HECW1: variants seen among roughly 807,000 people sequenced by gnomAD.
The protein encoded by HECW1 is HECT, C2 and WW domain containing E3 ubiquitin protein ligase 1, also known as E3 ubiquitin-protein ligase HECW1.
In HECW1, 61 loss-of-function variants were observed where a neutral mutation model predicts 182.3. The ratio of observed to expected loss-of-function variants is 0.33; its 90% CI spans 0.27 to 0.41. The LOEUF (loss-of-function observed/expected upper bound fraction) is 0.41. HECW1 is among the 10% of genes least tolerant of loss of function. The pLI, the probability that HECW1 is intolerant of heterozygous loss-of-function variation, is 1.00. For synonymous variants in HECW1, 859 were observed against 832.6 expected, an observed-to-expected ratio of 1.03 and a Z score of -0.55; for missense variants, 1,739 against 2,108.9, an observed-to-expected ratio of 0.82 and a Z score of 3.44.
intron 8 of HECW1, among the ~76,000 whole-genome samples, chr7:43,431,221 C>G (rs909770747): frequency 4.6e-5 from 7 of 152,136 alleles, no homozygotes; most frequent in Non-Finnish European, 8.8e-5. Flanking sequence ...GCACTTATAC[C>G]GTAGAACTTG....
intron 3 of HECW1, among the ~76,000 whole-genome samples, chr7:43,305,467 C>G (rs1001188385): frequency 2.6e-5 from 4 of 152,126 alleles, no homozygotes; most frequent in African/African-American, 9.7e-5. Context: ...CTCTTATAAT[C>G]GCCCATAAAC....
chr7:43,359,170 C>G lies in HECW1; in HGVS notation c.461-1716C>G. 2.0e-5 allele frequency among the ~76,000 whole-genome samples: 3 copies of G among 152,254 alleles called. 1 individual carries two copies. The South Asian group carries it at 6.2e-4, about 32-fold the overall frequency. On this transcript the variant is annotated intron_variant, in intron 5 of 29. Coordinates refer to ENST00000395891, the MANE Select transcript of HECW1 (RefSeq NM_015052.5). ...AAGACTACTGTAATATTCGTATCTA[C>G]AGCATTGAGGAAACCTTTACATATC...
chr7:43,269,240 TTC>T (rs1196591349), intron 3 of HECW1, among the ~76,000 whole-genome samples: 2 of 152,358 alleles, frequency 1.3e-5, no homozygotes, highest in East Asian at 1.9e-4. Context: ...GCTGGAAATA[TTC>T]TCTGTTTTAG....
intron 2 of HECW1, among the ~76,000 whole-genome samples, chr7:43,237,574 T>C (rs1024514786): frequency 1.3e-5 from 2 of 152,192 alleles, no homozygotes; most frequent in Non-Finnish European, 2.9e-5. Flanking sequence ...TAGACAGTTA[T>C]AGGAACTGCC....
chr7:43,482,692 G>A (rs1024440617), intron 17 of HECW1, among the ~76,000 whole-genome samples: 2 of 152,164 alleles, frequency 1.3e-5, no homozygotes, highest in African/African-American at 4.8e-5. Context: ...CATCACTTGA[G>A]CCTAGGAGTT....
At chr7:43,488,488 GAGAA>G (rs879483446) in intron 17 of HECW1, among the ~76,000 whole-genome samples, 34 of 112,708 alleles carry the variant, frequency 3.0e-4, no homozygotes, top group African/African-American at 1.0e-3. Flanking sequence ...AAGAAAGAAA[GAGAA>G]AGAAAGAAAG....
chr7:43,520,014 T>C (rs1414401760), intron 24 of HECW1, among the ~76,000 whole-genome samples: 3 of 152,168 alleles, frequency 2.0e-5, no homozygotes, highest in Admixed American at 1.3e-4. Context: ...AAAAATTACA[T>C]CTGTGGGTAA....
chr7:43,235,294 G>T (rs1798229069), intron 2 of HECW1, among the ~76,000 whole-genome samples: 1 of 152,174 alleles, frequency 6.6e-6, no homozygotes, highest in African/African-American at 2.4e-5. Flanking sequence ...AGGAGGTTTG[G>T]CCCTCCTTGA....
chr7:43,560,186 T>G (rs1314995510), intron 29 of HECW1, among the ~76,000 whole-genome samples: 1 of 152,230 alleles, frequency 6.6e-6, no homozygotes, highest in East Asian at 1.9e-4. Context: ...TGTTCTAGTT[T>G]CATTGCAATC....
Position 43,515,183 on chromosome 7 carries a change from G to A in HECW1, c.4019+6062G>A, listed in dbSNP as rs112184161. 8.5e-5 allele frequency among the ~76,000 whole-genome samples: 13 copies of A among 152,258 alleles called. 1 individual carries two copies. The highest frequency in any genetic ancestry group is 3.1e-4 in the African/African-American group (13 of 41,552). ...TTCACAGCAGATGTCAGTTTGGTGTGGCCTCAGAAGAGAGAAAGAGGCTGG... is the reference window on the plus strand; with the variant it reads ...TTCACAGCAGATGTCAGTTTGGTGTAGCCTCAGAAGAGAGAAAGAGGCTGG... On this transcript the variant is annotated intron_variant, in intron 24 of 29. Transcript: ENST00000395891.
chr7:43,539,938 G>C (rs1048629922), intron 24 of HECW1, among the ~76,000 whole-genome samples: 4 of 152,192 alleles, frequency 2.6e-5, no homozygotes, highest in African/African-American at 9.6e-5. Context: ...CACTGGTGGG[G>C]TACCCAGGCC....
At chr7:43,347,012 C>T (rs1813772500) in intron 5 of HECW1, among the ~76,000 whole-genome samples, 1 of 151,986 alleles carries the variant, frequency 6.6e-6, no homozygotes, top group Admixed American at 6.6e-5. Context: ...AGAATTGTGT[C>T]TTCTAATGCT....
intron 2 of HECW1, among the ~76,000 whole-genome samples, chr7:43,230,158 C>G (rs577983325): frequency 6.6e-6 from 1 of 152,192 alleles, no homozygotes; most frequent in Admixed American, 6.5e-5. Flanking sequence ...TTGGGGAGAC[C>G]GAGGCGGGAG....
At chr7:43,388,632 T>A (rs189806254) in intron 6 of HECW1, among the ~76,000 whole-genome samples, 1 of 152,084 alleles carries the variant, frequency 6.6e-6, no homozygotes, top group Non-Finnish European at 1.5e-5. Context: ...ATATTCTGGG[T>A]TTTTTTGTTT....
intron 2 of HECW1, among the ~76,000 whole-genome samples, chr7:43,183,192 T>C (rs995230319): frequency 6.6e-6 from 1 of 152,216 alleles, no homozygotes; most frequent in African/African-American, 2.4e-5. Flanking sequence ...TTGACCTCAC[T>C]ACTTAGGTTA....
intron 2 of HECW1, among the ~76,000 whole-genome samples, chr7:43,156,753 T>G (rs1351302370): frequency 6.6e-6 from 1 of 152,220 alleles, no homozygotes; most frequent in East Asian, 1.9e-4. Context: ...TCATGTGATC[T>G]GCACTGGCCA....
chr7:43,468,676 A>G (rs2077889939), intron 15 of HECW1, among the ~76,000 whole-genome samples: 1 of 152,134 alleles, frequency 6.6e-6, no homozygotes, highest in Non-Finnish European at 1.5e-5. Flanking sequence ...ACATGCCACC[A>G]TGCCCAGCTA....
At chr7:43,372,917 A>C (rs1472183222) in intron 6 of HECW1, among the ~76,000 whole-genome samples, 1 of 152,176 alleles carries the variant, frequency 6.6e-6, no homozygotes, top group Admixed American at 6.6e-5. Flanking sequence ...ATGCCTGTTT[A>C]GTCTACCCAT....
intron 3 of HECW1, among the ~76,000 whole-genome samples, chr7:43,281,487 A>G (rs916582785): frequency 6.6e-6 from 1 of 152,186 alleles, no homozygotes; most frequent in Admixed American, 6.5e-5. Context: ...AAGTTGTGCA[A>G]TATCACAATA....
Sources: gnomAD v4.1 joint callset for allele counts (sites outside exome capture counted in the v4.1 genomes callset) on GRCh38, gnomAD v4.1.1 for gene constraint, MANE v1.5 for transcripts, NCBI Gene and HGNC (gene_info 2026-07-23, HGNC 2026-07-21) for gene names.